The following KIF24 variants were observed in gnomAD, a reference collection of about 807,000 sequenced individuals.
KIF24 encodes the protein kinesin family member 24.
KIF24 carries 81 observed loss-of-function variants against 118.9 expected under a neutral mutation model. The observed-to-expected ratio is 0.68, with a 90% confidence interval of 0.57 to 0.82. The LOEUF (loss-of-function observed/expected upper bound fraction) is 0.82. Ranked by LOEUF, KIF24 falls within the 40% of genes least tolerant of loss-of-function variation. KIF24 has a pLI of 0.00. For missense variants in KIF24, 1,560 were observed against 1,661.6 expected (o/e 0.94, Z 1.06); for synonymous variants, 599 against 610.0 (o/e 0.98, Z 0.27).
At chr9:34,254,855 T>G (rs1428224618) in intron 12 of KIF24, among the ~76,000 whole-genome samples, 1 of 152,108 alleles carries the variant, frequency 6.6e-6, no homozygotes, top group African/African-American at 2.4e-5. Flanking sequence ...TGGAAACATT[T>G]TAGCCTGGAA....
Position 34,257,629 on chromosome 9 carries a change from T to C in KIF24, c.1978A>G (p.Lys660Glu), listed in dbSNP as rs776827019. The change falls in exon 11 of 13, where the codon AAA (lysine) becomes GAA (glutamate). Residue 660 changes from lysine to glutamate, a missense_variant. Coordinates refer to ENST00000402558, the MANE Select transcript of KIF24 (RefSeq NM_194313.4). ...AATGGTGCTGACTCTTCTGGCTTTT[T>C]TTTGGCCACATGTCCAGAGCGCACA... ...GTVRSGHVAK[K>E]KPEESAPLCS... 23 of 1,614,066 alleles carry C rather than the reference T, an allele frequency of 1.4e-5. No individual in the cohort carries two copies. The highest frequency in any genetic ancestry group is 2.2e-5 in the East Asian group (1 of 44,890).
Position 34,256,272 on chromosome 9 carries a change from A to C in KIF24, c.3335T>G (p.Leu1112Arg), listed in dbSNP as rs1834835639. The change falls in exon 11 of 13, where the codon CTG becomes CGG. Residue 1112 changes from leucine to arginine, a missense_variant. Physicochemically the swap from Leu to Arg is moderately radical, Grantham distance 102. Around this residue, in one of 3 missense-constraint regions of KIF24, gnomAD observed 591 missense variants for 655.6 expected, o/e 0.90. Transcript: ENST00000402558. ...ATCAGGGGGAGATGAGGACAGCCACAGGTGCCTAGTTGCTGAAGACACTGG... is the reference window on the plus strand; with the variant it reads ...ATCAGGGGGAGATGAGGACAGCCACCGGTGCCTAGTTGCTGAAGACACTGG... The part of the protein sequence containing the change: ...ALPVSSATRH[L>R]WLSSSPPDNK... The C allele has an allele frequency of 1.9e-6, 3 of 1,609,430 alleles. No homozygotes were observed. Among genetic ancestry groups the C allele is most frequent in the Non-Finnish European group, 2.5e-6 (3 of 1,177,556 alleles).
chr9:34,310,634 G>A, intron 2 of KIF24, 90 bp downstream of exon 2: 7 of 814,612 alleles, frequency 8.6e-6, no homozygotes, highest in Non-Finnish European at 1.4e-5. Context: ...TATAAATAAG[G>A]AGTAGATGCT....
At chr9:34,298,406 C>T (rs533666385) in intron 3 of KIF24, among the ~76,000 whole-genome samples, 1 of 151,978 alleles carries the variant, frequency 6.6e-6, no homozygotes, top group South Asian at 2.1e-4. Context: ...ATTAGCCAGG[C>T]GTGGTGGTGG....
chr9:34,276,211 AC>A (rs1835654412), intron 6 of KIF24, among the ~76,000 whole-genome samples: 1 of 152,200 alleles, frequency 6.6e-6, no homozygotes, highest in African/African-American at 2.4e-5. Context: ...GACCAGCCTG[AC>A]CAATGTGGTT....
intron 6 of KIF24, among the ~76,000 whole-genome samples, chr9:34,285,490 T>C (rs1416389887): frequency 6.6e-6 from 1 of 151,560 alleles, no homozygotes; most frequent in Non-Finnish European, 1.5e-5. Flanking sequence ...ATTAGCCAGG[T>C]CTGGCAGGGC....
At position 34,257,853 on chromosome 9, in the gene KIF24, G is replaced by A; in HGVS notation, c.1754C>T (p.Pro585Leu). 1 of 1,613,986 alleles carries A rather than the reference G, an allele frequency of 6.2e-7. No homozygotes were observed. The highest frequency in any genetic ancestry group is 2.2e-5 in the East Asian group (1 of 44,876). The part of the protein sequence containing the change: ...PGALSEDKCS[P>L]KKVKLGFQQS... ...CTGAAATCCCAGCTTGACTTTTTTG[G>A]GAGAACATTTGTCCTCTGACAAAGC... Residue 585 changes from proline to leucine, a missense_variant, in exon 11 of 13, where the codon CCC (proline) becomes CTC (leucine). Transcript: ENST00000402558.
intron 6 of KIF24, among the ~76,000 whole-genome samples, chr9:34,277,691 T>A (rs557557056): frequency 1.3e-5 from 2 of 152,214 alleles, no homozygotes; most frequent in African/African-American, 4.8e-5. Flanking sequence ...AGAGAAGGCA[T>A]GAGGAGTTTC....
intron 5 of KIF24, among the ~76,000 whole-genome samples, chr9:34,287,143 G>A (rs72731302): frequency 1.3e-5 from 2 of 152,184 alleles, no homozygotes; most frequent in Non-Finnish European, 2.9e-5. Context: ...AAGCCATTTT[G>A]TATCTACAAA....
chr9:34,281,362 T>C (rs1039445454), intron 6 of KIF24, among the ~76,000 whole-genome samples: 2 of 152,134 alleles, frequency 1.3e-5, no homozygotes, highest in Non-Finnish European at 2.9e-5. Context: ...TTTCTAATTA[T>C]ACACTATAGG....
In KIF24 at chr9:34,319,894, G is replaced by A. The variant is rs553755599; in HGVS notation, c.-25-8523C>T. 3.7e-4 allele frequency among the ~76,000 whole-genome samples: 56 copies of A among 152,270 alleles called. 1 individual carries two copies. Among genetic ancestry groups the A allele is most frequent in the African/African-American group, 1.2e-3 (49 of 41,560 alleles). ...AGAAACTCCACATCCTGTGGTACCT[G>A]GGCCATAATCATCCTGCCTGCCCTC... On this transcript the variant is annotated intron_variant, in intron 1 of 12. Transcript: ENST00000402558.
rs777402202 is a variant in KIF24, at chr9:34,269,257, A to G, written c.1443T>C (p.Ala481=). The G allele has an allele frequency of 1.3e-6, 2 of 1,573,094 alleles. No individual in the cohort carries two copies. Among genetic ancestry groups the G allele is most frequent in the African/African-American group, 1.4e-5 (1 of 73,930 alleles). The part of the protein sequence containing the change: ...EGAEINQSLL[A]LKECIRALDQ... The stretch of plus-strand genomic sequence containing the variant: ...AGATTAAAGATTTTGAACAACTTAC[A>G]GCCAGTAGACTCTGATTTATTTCTG... The change falls in exon 8 of 13, where the codon GCT becomes GCC. Residue 481 remains alanine, a splice_region_variant and synonymous_variant. Coordinates refer to ENST00000402558, the MANE Select transcript of KIF24 (RefSeq NM_194313.4).
At chr9:34,316,626 A>C (rs34645109) in intron 1 of KIF24, among the ~76,000 whole-genome samples, 6,246 of 152,328 alleles carry the variant, frequency 0.041, 170 homozygotes, top group Middle Eastern at 0.075. Flanking sequence ...GTCCACATCC[A>C]TACTACTTTG....
chr9:34,285,501 G>C (rs779543062), intron 6 of KIF24, among the ~76,000 whole-genome samples: 3 of 152,106 alleles, frequency 2.0e-5, no homozygotes, highest in African/African-American at 7.2e-5. Flanking sequence ...CTGGCAGGGC[G>C]TGGTGGCTCA....
chr9:34,269,306 T>C lies in KIF24; in HGVS notation c.1394A>G (p.Asp465Gly), dbSNP rs762287505. 4 of 1,612,340 alleles carry C rather than the reference T, an allele frequency of 2.5e-6. No homozygotes were observed. Among genetic ancestry groups the C allele is most frequent in the Admixed American group, 3.3e-5 (2 of 59,962 alleles). ...SERAADARDS[D>G]RQTKMEGAEI... ...TGCACCTTCCATCTTTGTCTGTCTA[T>C]CTGAGTCCCTTGCATCTGCTGCTCT... Residue 465 changes from aspartate to glycine, a missense_variant, in exon 8 of 13, where the codon GAT becomes GGT. Asp to Gly is a moderately conservative substitution (Grantham distance 94). Transcript: ENST00000402558.
chr9:34,257,690 T>C lies in KIF24; in HGVS notation c.1917A>G (p.Gln639=), dbSNP rs778368569. ...KRGGSRGSPS[Q]EWVIHASPVK... ...CAGGGCTAGCATGAATGACCCACTC[T>C]TGTGAAGGACTCCCTCTGGAGCCAC... Residue 639 remains glutamine (Q), a synonymous_variant, in exon 11 of 13, where the codon CAA becomes CAG. Transcript: ENST00000402558. 2 of 1,613,936 alleles carry C rather than the reference T, an allele frequency of 1.2e-6. No homozygotes were observed. Among genetic ancestry groups the C allele is most frequent in the East Asian group, 4.5e-5 (2 of 44,898 alleles).
rs1218167564 is a variant in KIF24 at position 34,286,717 on chromosome 9, G to A, written c.1128-13C>T. On this transcript the variant is annotated splice_polypyrimidine_tract_variant and intron_variant, in intron 5 of 12. Transcript: ENST00000402558. ...TCTTGCAAAGAGCCTGCAGATGCAAGAAAGTGGTTGGTATGATGGTGCTAC... is the reference window on the plus strand; with the variant it reads ...TCTTGCAAAGAGCCTGCAGATGCAAAAAAGTGGTTGGTATGATGGTGCTAC... The A allele has an allele frequency of 1.3e-6, 2 of 1,591,010 alleles. No homozygotes were observed. Among genetic ancestry groups the A allele is most frequent in the African/African-American group, 2.7e-5 (2 of 74,500 alleles).
In KIF24 at chr9:34,257,425, G is replaced by A; in HGVS notation, c.2182C>T (p.His728Tyr). The change falls in exon 11 of 13, where the codon CAC becomes TAC. Residue 728 changes from histidine (H) to tyrosine (Y), a missense_variant. Coordinates refer to ENST00000402558, the MANE Select transcript of KIF24 (RefSeq NM_194313.4). ...TCTTGACTGTACTCAGCCCTGTGGT[G>A]GGCGTTGCCAAAGGAGAGCTCAACT... is the stretch of plus-strand genomic sequence containing the variant. ...SRVELSFGNA[H>Y]HRAEYSQDSQ... 2 of 1,614,062 alleles carry A rather than the reference G, an allele frequency of 1.2e-6. No individual in the cohort carries two copies. Among genetic ancestry groups the A allele is most frequent in the Non-Finnish European group, 1.7e-6 (2 of 1,179,902 alleles).
In KIF24 at chr9:34,257,971, G is replaced by C. The variant is rs576934959; in HGVS notation, c.1636C>G (p.Leu546Val). 542 of 1,595,394 alleles carry C rather than the reference G, an allele frequency of 3.4e-4. 6 individuals are homozygous for C. The South Asian group carries it at 5.9e-3, about 17-fold the overall frequency. The change falls in exon 11 of 13, where the codon CTA (leucine) becomes GTA (valine). Residue 546 changes from leucine to valine, a missense_variant. Coordinates refer to ENST00000402558, the MANE Select transcript of KIF24 (RefSeq NM_194313.4). ...TLRYADRVKE[L>V]KKGIKCCTSV... is the part of the protein sequence containing the mutation. ...GTGCAACACTTAATGCCTTTCTTTA[G>C]TTCTTTGACCCTGTAAATAATCATT...
Sources: allele counts gnomAD v4.1 joint callset (sites outside exome capture counted in the v4.1 genomes callset), GRCh38; gene constraint gnomAD v4.1.1; regional missense constraint gnomAD v4.1.1; transcripts MANE v1.5; gene names NCBI Gene and HGNC (gene_info 2026-07-23, HGNC 2026-07-21).